DYRK2: variants seen among roughly 807,000 people sequenced by gnomAD.
DYRK2 encodes the protein dual specificity tyrosine-phosphorylation-regulated kinase 2.
Under a neutral mutation model 41.6 loss-of-function variants are expected in DYRK2, and 12 were observed. The ratio of observed to expected loss-of-function variants is 0.29; its 90% confidence interval spans 0.18 to 0.47. The LOEUF is 0.47. Ranked by LOEUF, DYRK2 falls within the 20% of genes least tolerant of loss-of-function variation. The probability of loss-of-function intolerance (pLI) is 1.00; values close to 1 mark genes in which losing one functional copy is unlikely to be tolerated. For synonymous variants in DYRK2, 322 were observed against 315.7 expected (o/e 1.02, Z -0.21); for missense variants, 678 against 798.4 (o/e 0.85, Z 1.82).
At chr12:67,649,365 C>G (rs1193360942) in intron 1 of DYRK2, among the ~76,000 whole-genome samples, 183 bp downstream of exon 1, 1 of 151,506 alleles carries the variant, frequency 6.6e-6, no homozygotes, top group African/African-American at 2.4e-5. Flanking sequence ...CCGAAGGCCC[C>G]TCCGCGGGGA....
rs773447804 is a variant in DYRK2, at chr12:67,657,765, T to C, written c.858T>C (p.His286=). 5.0e-6 allele frequency: 8 copies of C among 1,614,182 alleles called. No homozygotes were observed. The highest frequency in any genetic ancestry group is 1.1e-5 in the South Asian group (1 of 91,084). Residue 286 remains histidine, a synonymous_variant, in exon 3 of 3, where the codon CAT becomes CAC. Transcript: ENST00000344096. The surrounding 1 kb of genome is among the most constrained non-coding windows in gnomAD (Gnocchi z 4.8). ...AGGATAACACAATGAATGTCATCCA[T>C]ATGCTGGAGAATTTCACCTTCCGCA... ...QDKDNTMNVI[H]MLENFTFRNH... is the part of the protein sequence containing the mutation.
At chr12:67,650,313 G>T (rs2120808177) in intron 2 of DYRK2, among the ~76,000 whole-genome samples, 1 of 152,288 alleles carries the variant, frequency 6.6e-6, no homozygotes, top group South Asian at 2.1e-4. Flanking sequence ...ACCTCCCCGT[G>T]GGTAGTGGGT....
Position 67,648,875 on chromosome 12 carries a change from G to C in DYRK2, c.-259G>C, listed in dbSNP as rs770027587. The C allele has an allele frequency of 2.0e-4, 57 of 291,548 alleles. 1 individual carries two copies. The highest frequency in any genetic ancestry group is 1.9e-3 in the Middle Eastern group (2 of 1,048). 18.1% of individuals were successfully genotyped at this position (291,548 alleles called of 1,614,324 possible). A position where few individuals can be genotyped will look rare whatever the true frequency, so the allele number is the denominator to read the frequency against. ...GCAGGGGAGGGCGAGGCATGTGCAC[G>C]GGCCGGAGGGTGCTGCAGCCGCCCG... On this transcript the variant is annotated 5_prime_UTR_variant, in exon 1 of 3. Coordinates refer to ENST00000344096, the MANE Select transcript of DYRK2 (RefSeq NM_006482.3).
rs867336643 is a variant in DYRK2 at position 67,660,592 on chromosome 12, A to G, written c.*1879A>G. ...CCTTAGTCAAATTTTTTAGCATATT[A>G]TACACATTTCTGTGTAATCTGTGGA... On this transcript the variant is annotated 3_prime_UTR_variant, in exon 3 of 3. Transcript: ENST00000344096. The G allele has an allele frequency of 2.4e-5, 4 of 166,992 alleles. No homozygotes were observed. The highest frequency in any genetic ancestry group is 4.4e-5 in the Non-Finnish European group (3 of 68,112). The allele number at this position is 166,992 out of a possible 1,614,324, so 10.3% of individuals were successfully genotyped here. A position where few individuals can be genotyped will look rare whatever the true frequency, so the allele number is the denominator to read the frequency against.
chr12:67,652,131 G>A (rs892669641), intron 2 of DYRK2, among the ~76,000 whole-genome samples: 1 of 152,050 alleles, frequency 6.6e-6, no homozygotes, highest in Admixed American at 6.6e-5. Flanking sequence ...TGATATAGTA[G>A]GCAGGTTAAA....
chr12:67,649,191 G>T lies in DYRK2; in HGVS notation c.49+9G>T. 6.7e-7 allele frequency: 1 copy of T among 1,495,626 alleles called. No individual in the cohort carries two copies. Among genetic ancestry groups the T allele is most frequent in the African/African-American group, 1.5e-5 (1 of 68,942 alleles). 92.6% of individuals were successfully genotyped at this position (1,495,626 alleles called of 1,614,324 possible). A position where few individuals can be genotyped will look rare whatever the true frequency, so the allele number is the denominator to read the frequency against. On this transcript the variant is annotated intron_variant, in intron 1 of 2. Transcript: ENST00000344096. ...CGCCGCCTACCCGACCGGTAAGGAGGCCGTGCCGCCGCGCCGCATCCCCGG... is the reference window on the plus strand; with the variant it reads ...CGCCGCCTACCCGACCGGTAAGGAGTCCGTGCCGCCGCGCCGCATCCCCGG...
At chr12:67,650,051 T>A in intron 2 of DYRK2, 106 bp downstream of exon 2, 1 of 1,162,618 alleles carries the variant, frequency 8.6e-7, no homozygotes, top group Admixed American at 4.3e-5. Context: ...GGGGTCGAGA[T>A]ACAAGCAGCC....
intron 1 of DYRK2, 55 bp downstream of exon 1, chr12:67,649,237 GCC>G: frequency 7.8e-7 from 1 of 1,288,634 alleles, no homozygotes; most frequent in African/African-American, 1.6e-5. Flanking sequence ...GCCCTGGGCA[GCC>G]CCTGTGGCGC....
In DYRK2 at chr12:67,658,422, T is replaced by A; in HGVS notation, c.1515T>A (p.Asp505Glu). 1 of 1,592,364 alleles carries A rather than the reference T, an allele frequency of 6.3e-7. No individual in the cohort carries two copies. The highest frequency in any genetic ancestry group is 8.5e-7 in the Non-Finnish European group (1 of 1,169,676). The change falls in exon 3 of 3, where the codon GAT becomes GAA. Residue 505 changes from aspartate to glutamate, a missense_variant. Physicochemically the swap from Asp to Glu is conservative, Grantham distance 45 (BLOSUM62 2). This residue lies in a region of DYRK2 where 393 missense variants were observed against 519.1 expected (regional missense o/e 0.76). Coordinates refer to ENST00000344096, the MANE Select transcript of DYRK2 (RefSeq NM_006482.3). The surrounding 1 kb of genome is among the most constrained non-coding windows in gnomAD (Gnocchi z 4.3). Reference sequence around the variant, plus strand: ...GGAACGCGCTGAAGGGGTGTGATGATCCCCTTTTCCTTGACTTCTTAAAAC... The same window carrying A: ...GGAACGCGCTGAAGGGGTGTGATGAACCCCTTTTCCTTGACTTCTTAAAAC... ...EWGNALKGCD[D>E]PLFLDFLKQC... is the part of the protein sequence containing the mutation.
Position 67,660,507 on chromosome 12 carries a change from T to G in DYRK2, c.*1794T>G, listed in dbSNP as rs1454343888. On this transcript the variant is annotated 3_prime_UTR_variant, in exon 3 of 3. Transcript: ENST00000344096. ...AAAATAGTGATATTTGCTTTACTAT[T>G]TAAGGTGTCACTGATAAATTAATTT... 1.2e-5 allele frequency: 2 copies of G among 167,106 alleles called. No individual in the cohort carries two copies. The highest frequency in any genetic ancestry group is 4.8e-5 in the African/African-American group (2 of 41,462). 10.4% of individuals were successfully genotyped at this position (167,106 alleles called of 1,614,324 possible). A position where few individuals can be genotyped will look rare whatever the true frequency, so the allele number is the denominator to read the frequency against.
intron 1 of DYRK2, 144 bp downstream of exon 1, chr12:67,649,326 C>G (rs1273710884): frequency 5.2e-6 from 3 of 578,388 alleles, no homozygotes; most frequent in South Asian, 1.6e-4. Flanking sequence ...ACGACGCGCC[C>G]CGGGCTCCAT....
rs1872643580 is a variant in DYRK2 at position 67,662,213 on chromosome 12, C to T, written c.*3500C>T. The T allele has an allele frequency of 1.2e-5, 2 of 165,680 alleles. No homozygotes were observed. The allele number at this position is 165,680 out of a possible 1,614,324, so 10.3% of individuals were successfully genotyped here. Reference sequence around the variant, plus strand: ...GGTCTCGGTAAAGGTTTTAATATTGCCCAACATAATGCTGTAATAGCATTA... The same window carrying T: ...GGTCTCGGTAAAGGTTTTAATATTGTCCAACATAATGCTGTAATAGCATTA... On this transcript the variant is annotated 3_prime_UTR_variant, in exon 3 of 3. Transcript: ENST00000344096.
At position 67,658,233 on chromosome 12, in the gene DYRK2, A is replaced by G. The variant is rs189256234; in HGVS notation, c.1326A>G (p.Ser442=). 6.2e-7 allele frequency: 1 copy of G among 1,614,156 alleles called. No individual in the cohort carries two copies. Among genetic ancestry groups the G allele is most frequent in the Admixed American group, 1.7e-5 (1 of 60,026 alleles). ...ACMIELLGMP[S]QKLLDASKRA... ...TGATTGAACTGTTGGGCATGCCCTC[A>G]CAGAAACTGCTGGATGCATCCAAAC... Residue 442 remains serine, a synonymous_variant, in exon 3 of 3, where the codon TCA becomes TCG. Transcript: ENST00000344096. This position sits in a 1 kb window ranked among gnomAD's most constrained non-coding sequence, Gnocchi z 4.3.
rs765202230 is a variant in DYRK2, at chr12:67,660,354, A to G, written c.*1641A>G. 5 of 166,516 alleles carry G rather than the reference A, an allele frequency of 3.0e-5. No individual in the cohort carries two copies. Among genetic ancestry groups the G allele is most frequent in the Non-Finnish European group, 7.4e-5 (5 of 67,976 alleles). 10.3% of individuals were successfully genotyped at this position (166,516 alleles called of 1,614,324 possible). On this transcript the variant is annotated 3_prime_UTR_variant, in exon 3 of 3. Transcript: ENST00000344096. ...TTCTTTAATAATAATCCTACAGTTT[A>G]TCTTAAGAAAAAAAAAAAGGTTTGA... is the stretch of plus-strand genomic sequence containing the variant.
In DYRK2 at chr12:67,658,548, A is replaced by G; in HGVS notation, c.1641A>G (p.Lys547=). The part of the protein sequence containing the change: ...RRLPKPPTGE[K]TSVKRITEST... ...TGCCAAAGCCTCCCACCGGGGAGAAAACGTCAGTGAAAAGGATAACTGAGA... is the reference window on the plus strand; with the variant it reads ...TGCCAAAGCCTCCCACCGGGGAGAAGACGTCAGTGAAAAGGATAACTGAGA... The change falls in exon 3 of 3, where the codon AAA becomes AAG. Residue 547 remains lysine, a synonymous_variant. Coordinates refer to ENST00000344096, the MANE Select transcript of DYRK2 (RefSeq NM_006482.3). The surrounding 1 kb of genome is among the most constrained non-coding windows in gnomAD (Gnocchi z 4.3). 6.2e-7 allele frequency: 1 copy of G among 1,614,068 alleles called. No individual in the cohort carries two copies.
At chr12:67,649,296 G>C in intron 1 of DYRK2, 114 bp downstream of exon 1, 1 of 871,618 alleles carries the variant, frequency 1.1e-6, no homozygotes, top group Admixed American at 4.8e-5. Context: ...GCGGCGCGGC[G>C]CGGGGGAGCC....
At chr12:67,651,530 C>T (rs897723623) in intron 2 of DYRK2, 1 of 451,460 alleles carries the variant, frequency 2.2e-6, no homozygotes, top group Non-Finnish European at 4.4e-6. Context: ...AGGAAGGATG[C>T]GAATGTGCTT....
rs1872681172 is a variant in DYRK2, at chr12:67,663,768, A to G, written c.*5055A>G. 6.6e-6 allele frequency: 1 copy of G among 152,168 alleles called. No homozygotes were observed. The highest frequency in any genetic ancestry group is 1.9e-4 in the East Asian group (1 of 5,190). The allele number at this position is 152,168 out of a possible 1,614,324, so 9.4% of individuals were successfully genotyped here. A position where few individuals can be genotyped will look rare whatever the true frequency, so the allele number is the denominator to read the frequency against. On this transcript the variant is annotated 3_prime_UTR_variant, in exon 3 of 3. Transcript: ENST00000344096. ...CCTACTCATTCTCTTTCCTTTTATC[A>G]GATCTTTCAAAAGCGCTTTTTAAAA... is the stretch of plus-strand genomic sequence containing the variant.
rs143679270 is a variant in DYRK2, at chr12:67,662,727, A to G, written c.*4014A>G. On this transcript the variant is annotated 3_prime_UTR_variant, in exon 3 of 3. Transcript: ENST00000344096. ...CTATTTCTGGTATTATCCTTTGTCA[A>G]TTAGCCTGGAGAGGGTTTAGAATGC... 99 of 161,078 alleles carry G rather than the reference A, an allele frequency of 6.1e-4. No homozygotes were observed. Among genetic ancestry groups the G allele is most frequent in the East Asian group, 1.9e-3 (10 of 5,192 alleles). The allele number at this position is 161,078 out of a possible 1,614,324, so 10.0% of individuals were successfully genotyped here.
Sources: gnomAD v4.1 joint callset for allele counts (sites outside exome capture counted in the v4.1 genomes callset) on GRCh38, gnomAD v4.1.1 for gene constraint, gnomAD v4.1.1 regional missense constraint, Gnocchi (gnomAD v3.1) non-coding constraint, MANE v1.5 for transcripts, NCBI Gene and HGNC (gene_info 2026-07-23, HGNC 2026-07-21) for gene names.